The following XYLT1 variants were observed in gnomAD, a reference collection of about 807,000 sequenced individuals.
XYLT1 encodes xylosyltransferase 1.
XYLT1 carries 36 observed loss-of-function variants against 91.3 expected under a neutral mutation model. The ratio of observed to expected loss-of-function variants is 0.39; its 90% CI spans 0.30 to 0.52. The LOEUF is 0.52. Among genes scored for constraint, XYLT1 ranks in the 20% least tolerant of loss-of-function variants. XYLT1 has a pLI of 0.68. For synonymous variants in XYLT1, 588 were observed against 532.0 expected, an observed-to-expected ratio of 1.11 and a Z score of -1.45; for missense variants, 1,242 against 1,284.5, an observed-to-expected ratio of 0.97 and a Z score of 0.51.
At chr16:17,126,902 G>T (rs1313369370) in intron 10 of XYLT1, among the ~76,000 whole-genome samples, 1 of 152,178 alleles carries the variant, frequency 6.6e-6, no homozygotes, top group African/African-American at 2.4e-5. Context: ...AGTGAAGAGG[G>T]AGACACAGTT....
chr16:17,315,229 A>G (rs985371538), intron 2 of XYLT1, among the ~76,000 whole-genome samples: 11 of 152,212 alleles, frequency 7.2e-5, no homozygotes, highest in African/African-American at 2.2e-4. Flanking sequence ...CTGCCTCTCC[A>G]TTCAACCCAA....
At chr16:17,404,148 A>G (rs1267090624) in intron 1 of XYLT1, among the ~76,000 whole-genome samples, 1 of 151,948 alleles carries the variant, frequency 6.6e-6, no homozygotes, top group Non-Finnish European at 1.5e-5. Context: ...GTGACCCAGG[A>G]GGGACTCAGG....
intron 1 of XYLT1, among the ~76,000 whole-genome samples, chr16:17,404,726 A>G (rs941852706): frequency 7.3e-6 from 1 of 136,376 alleles, no homozygotes; most frequent in Non-Finnish European, 1.6e-5. Context: ...ACTTGAGGTC[A>G]GCAGTTCAAG....
intron 1 of XYLT1, among the ~76,000 whole-genome samples, chr16:17,429,482 T>C (rs2036362750): frequency 6.6e-6 from 1 of 152,220 alleles, no homozygotes; most frequent in Non-Finnish European, 1.5e-5. Flanking sequence ...CAGAAATGGC[T>C]ACATTAAGTT....
intron 2 of XYLT1, among the ~76,000 whole-genome samples, chr16:17,309,499 A>G (rs1199134858): frequency 6.6e-6 from 1 of 152,162 alleles, no homozygotes; most frequent in Non-Finnish European, 1.5e-5. Flanking sequence ...CTTCAGCCAT[A>G]ATGAACGGGT....
At chr16:17,426,184 T>C (rs1033170442) in intron 1 of XYLT1, among the ~76,000 whole-genome samples, 3 of 152,240 alleles carry the variant, frequency 2.0e-5, no homozygotes, top group South Asian at 2.1e-4. Flanking sequence ...GTTTATGTTC[T>C]AGATACGGGG....
chr16:17,399,928 G>C (rs148231344), intron 1 of XYLT1, among the ~76,000 whole-genome samples: 1 of 152,296 alleles, frequency 6.6e-6, no homozygotes, highest in Non-Finnish European at 1.5e-5. Context: ...CAGAGATAAA[G>C]CAAATATTTC....
At position 17,313,000 on chromosome 16, in the gene XYLT1, A is replaced by G. The variant is rs1289219178; in HGVS notation, c.402+45012T>C. ...CCCCCTGGCCGGGGCTGAGCAGGGA[A>G]GCTGGGAGAGAGGGCATGTCCGCCC... is the stretch of plus-strand genomic sequence containing the variant. On this transcript the variant is annotated intron_variant, in intron 2 of 11. Transcript: ENST00000261381. The surrounding 1 kb of genome is among the most constrained non-coding windows in gnomAD (Gnocchi z 4.4). Among the ~76,000 whole-genome samples, 1 of 152,202 alleles carries G rather than the reference A, an allele frequency of 6.6e-6. No homozygotes were observed. The highest frequency in any genetic ancestry group is 6.5e-5 in the Admixed American group (1 of 15,282).
At chr16:17,333,524 T>C (rs2034932539) in intron 2 of XYLT1, among the ~76,000 whole-genome samples, 1 of 151,960 alleles carries the variant, frequency 6.6e-6, no homozygotes, top group Non-Finnish European at 1.5e-5. Context: ...GGAGGGTTGC[T>C]AGGGTTTCAA....
At chr16:17,258,317 T>A (rs2033667100) in intron 3 of XYLT1, among the ~76,000 whole-genome samples, 1 of 139,188 alleles carries the variant, frequency 7.2e-6, no homozygotes, top group Non-Finnish European at 1.5e-5. Context: ...GAAAGAAAAT[T>A]AAAATAAGGA....
Position 17,470,757 on chromosome 16 carries a change from A to G in XYLT1, c.40T>C (p.Ser14Pro). The G allele has an allele frequency of 9.1e-7, 1 of 1,094,670 alleles. No individual in the cohort carries two copies. Among genetic ancestry groups the G allele is most frequent in the African/African-American group, 1.7e-5 (1 of 58,020 alleles). The allele number at this position is 1,094,670 out of a possible 1,614,324, so 67.8% of individuals were successfully genotyped here. The change falls in exon 1 of 12, where the codon TCG becomes CCG. Residue 14 changes from serine (S) to proline (P), a missense_variant. Physicochemically the swap from Ser to Pro is moderately conservative, Grantham distance 74 (BLOSUM62 -1). This residue lies in a region of XYLT1 where 437 missense variants were observed against 411.5 expected (regional missense o/e 1.06). Transcript: ENST00000261381. ...AGCGCCGCGAGCAGCGCCGAGTGCGAGCGCCGGGCCAGCCTCCGGGCGCAC... is the reference window on the plus strand; with the variant it reads ...AGCGCCGCGAGCAGCGCCGAGTGCGGGCGCCGGGCCAGCCTCCGGGCGCAC... ...APCARRLARR[S>P]HSALLAALTV... is the part of the protein sequence containing the mutation.
intron 11 of XYLT1, among the ~76,000 whole-genome samples, chr16:17,115,980 T>TAAA (rs58219672): frequency 1.6e-4 from 11 of 69,126 alleles, no homozygotes; most frequent in African/African-American, 3.2e-4. Flanking sequence ...ACTTAGAAAG[T>TAAA]AAAAAAAAAA....
intron 5 of XYLT1, among the ~76,000 whole-genome samples, chr16:17,161,001 G>A (rs1254938866): frequency 6.6e-6 from 1 of 152,118 alleles, no homozygotes; most frequent in Non-Finnish European, 1.5e-5. Context: ...CTCTGAATGG[G>A]TCCCCGGCAG....
chr16:17,155,592 G>A (rs1212111881), intron 6 of XYLT1, among the ~76,000 whole-genome samples: 10 of 152,174 alleles, frequency 6.6e-5, no homozygotes, highest in Admixed American at 2.0e-4. Flanking sequence ...AGGCTTATTC[G>A]TGCAGCAGGT....
intron 1 of XYLT1, among the ~76,000 whole-genome samples, chr16:17,449,775 G>A (rs562528837): frequency 6.6e-6 from 1 of 152,202 alleles, no homozygotes; most frequent in Non-Finnish European, 1.5e-5. Context: ...ATCAGTATGG[G>A]TGAGGAGCTG....
intron 2 of XYLT1, among the ~76,000 whole-genome samples, chr16:17,310,080 C>T (rs1298248229): frequency 3.3e-5 from 5 of 152,144 alleles, no homozygotes; most frequent in African/African-American, 1.2e-4. Flanking sequence ...TGAGCTGCAA[C>T]AAAATGCCCG....
intron 1 of XYLT1, among the ~76,000 whole-genome samples, chr16:17,389,719 C>A (rs2035791487): frequency 6.6e-6 from 1 of 152,160 alleles, no homozygotes; most frequent in African/African-American, 2.4e-5. Context: ...AAATATACAG[C>A]CCACCACTGC....
chr16:17,232,168 A>G (rs1056594538), intron 3 of XYLT1, among the ~76,000 whole-genome samples: 2 of 144,616 alleles, frequency 1.4e-5, no homozygotes, highest in Non-Finnish European at 3.0e-5. Context: ...TATATATAAT[A>G]TATTATACAA....
At chr16:17,216,282 A>T (rs1274839273) in intron 3 of XYLT1, among the ~76,000 whole-genome samples, 1 of 152,224 alleles carries the variant, frequency 6.6e-6, no homozygotes, top group Non-Finnish European at 1.5e-5. Context: ...CGAGGAGGGA[A>T]CAACTCTTAT....
Sources: allele counts gnomAD v4.1 joint callset (sites outside exome capture counted in the v4.1 genomes callset), GRCh38; gene constraint gnomAD v4.1.1; regional missense constraint gnomAD v4.1.1; non-coding constraint Gnocchi (gnomAD v3.1); transcripts MANE v1.5; gene names NCBI Gene and HGNC (gene_info 2026-07-23, HGNC 2026-07-21).